Variants in KIFAP3 observed in about 807,000 individuals in gnomAD.
KIFAP3 encodes kinesin associated protein 3, also known as kinesin-associated protein 3.
In KIFAP3, 68 loss-of-function variants were observed where a neutral mutation model predicts 106.5. The ratio of observed to expected loss-of-function variants is 0.64; its 90% CI spans 0.53 to 0.78. The LOEUF is 0.78. Ranked by LOEUF, KIFAP3 falls within the 30% of genes least tolerant of loss-of-function variation. KIFAP3 has a pLI of 0.00. For missense variants in KIFAP3, 780 were observed against 941.8 expected, an observed-to-expected ratio of 0.83 and a Z score of 2.25; for synonymous variants, 320 against 311.5, an observed-to-expected ratio of 1.03 and a Z score of -0.29.
chr1:170,054,887 T>G (rs1482052467), intron 2 of KIFAP3, among the ~76,000 whole-genome samples: 2 of 152,172 alleles, frequency 1.3e-5, no homozygotes, highest in Non-Finnish European at 2.9e-5. Flanking sequence ...AATGAGGGGT[T>G]GATAGGTGCA....
intron 1 of KIFAP3, among the ~76,000 whole-genome samples, chr1:170,071,916 G>GC (rs1231353322): frequency 2.0e-5 from 3 of 152,168 alleles, no homozygotes; most frequent in African/African-American, 7.2e-5. Flanking sequence ...TGTGAGAAAT[G>GC]CTTGACACAA....
At chr1:169,983,417 T>C in intron 12 of KIFAP3, 35 bp from the exon 13 acceptor site, 2 of 1,396,190 alleles carry the variant, frequency 1.4e-6, no homozygotes, top group Non-Finnish European at 2.0e-6. Context: ...AAATTAAGGT[T>C]AGCTTAAGTT....
At chr1:169,987,373 G>C (rs1285128610) in intron 11 of KIFAP3, among the ~76,000 whole-genome samples, 2 of 151,970 alleles carry the variant, frequency 1.3e-5, no homozygotes, top group African/African-American at 4.8e-5. Flanking sequence ...AAATCACTGT[G>C]TCTAGACTCT....
At chr1:170,000,822 T>C (rs1196036566) in intron 10 of KIFAP3, among the ~76,000 whole-genome samples, 4 of 152,128 alleles carry the variant, frequency 2.6e-5, no homozygotes, top group Admixed American at 1.3e-4. Context: ...CAACAGTTGT[T>C]AACCAACAGT....
At chr1:169,955,699 TTTAA>T (rs1353469432) in intron 18 of KIFAP3, among the ~76,000 whole-genome samples, 10 of 152,302 alleles carry the variant, frequency 6.6e-5, no homozygotes, top group South Asian at 4.1e-4. Flanking sequence ...CATATTATTA[TTTAA>T]TTGTCAAATT....
chr1:169,984,960 T>TA (rs1666741750), intron 11 of KIFAP3, among the ~76,000 whole-genome samples: 4 of 151,796 alleles, frequency 2.6e-5, no homozygotes. Context: ...CATCTGTCCT[T>TA]AAATAATTAA....
At chr1:169,982,923 A>G in intron 13 of KIFAP3, 56 bp from the exon 14 acceptor site, 3 of 932,724 alleles carry the variant, frequency 3.2e-6, no homozygotes, top group South Asian at 3.1e-5. Context: ...TAATCTAATA[A>G]CCCACAGGAA....
Position 170,034,450 on chromosome 1 carries a change from G to C in KIFAP3, c.664C>G (p.Leu222Val), listed in dbSNP as rs1021162033. 8 of 1,573,678 alleles carry C rather than the reference G, an allele frequency of 5.1e-6. No individual in the cohort carries two copies. The highest frequency in any genetic ancestry group is 7.0e-6 in the Non-Finnish European group (8 of 1,148,648). ...TCATGATCAATAATATTCATACACAGAGCTCCAATTTTATAGTGAGTAATA... is the reference window on the plus strand; with the variant it reads ...TCATGATCAATAATATTCATACACACAGCTCCAATTTTATAGTGAGTAATA... Reference protein sequence around the residue: ...GLITHYKIGALCMNIIDHELK... With the variant: ...GLITHYKIGAVCMNIIDHELK... Residue 222 changes from leucine (L) to valine (V), a missense_variant, in exon 7 of 20, where the codon CTG becomes GTG. Leu to Val is a conservative substitution (Grantham distance 32). Coordinates refer to ENST00000361580, the MANE Select transcript of KIFAP3 (RefSeq NM_014970.4).
intron 5 of KIFAP3, among the ~76,000 whole-genome samples, chr1:170,035,762 T>C (rs1179101231): frequency 6.6e-6 from 1 of 152,098 alleles, no homozygotes; most frequent in Non-Finnish European, 1.5e-5. Context: ...TTCAAGTATA[T>C]ACTATACACA....
chr1:170,061,677 G>A (rs937266672), intron 1 of KIFAP3, among the ~76,000 whole-genome samples: 1 of 152,044 alleles, frequency 6.6e-6, no homozygotes, highest in African/African-American at 2.4e-5. Context: ...ATACACAAAG[G>A]ATTATAAATC....
intron 19 of KIFAP3, among the ~76,000 whole-genome samples, chr1:169,936,531 A>C (rs558500241): frequency 3.3e-5 from 5 of 151,862 alleles, no homozygotes; most frequent in African/African-American, 4.8e-5. Flanking sequence ...AGCATATATA[A>C]TTTAAAAAGT....
intron 1 of KIFAP3, among the ~76,000 whole-genome samples, chr1:170,059,495 A>C (rs1671021869): frequency 6.6e-6 from 1 of 152,126 alleles, no homozygotes; most frequent in Admixed American, 6.6e-5. Context: ...ACCAATAACC[A>C]ATAGGCTCTG....
chr1:169,972,525 TA>T lies in KIFAP3; in HGVS notation c.1970del (p.Leu657Ter). On this transcript the variant is annotated frameshift_variant, in exon 17 of 20. Coordinates refer to ENST00000361580, the MANE Select transcript of KIFAP3 (RefSeq NM_014970.4). LOFTEE classifies it high-confidence loss of function. ...AATAATTACTTACCGCTATAATATC[TA>T]ATGTATTATCACAGACCTTTCGGAT... ...NEIRKVCDNT[L>X]DIIAEYDEEW... is the part of the protein sequence containing the mutation. The T allele has an allele frequency of 1.4e-6, 2 of 1,432,862 alleles. No individual in the cohort carries two copies. The highest frequency in any genetic ancestry group is 9.8e-7 in the Non-Finnish European group (1 of 1,020,158). 88.8% of individuals were successfully genotyped at this position (1,432,862 alleles called of 1,614,324 possible). A position where few individuals can be genotyped will look rare whatever the true frequency, so the allele number is the denominator to read the frequency against.
intron 19 of KIFAP3, among the ~76,000 whole-genome samples, chr1:169,949,529 A>G (rs1171782726): frequency 1.3e-5 from 2 of 152,170 alleles, no homozygotes; most frequent in African/African-American, 4.8e-5. Flanking sequence ...TAAAAGCTGG[A>G]AGCAGTTTAA....
chr1:169,993,693 C>A, intron 10 of KIFAP3, among the ~76,000 whole-genome samples: 2 of 151,274 alleles, frequency 1.3e-5, no homozygotes, highest in Non-Finnish European at 1.5e-5. Flanking sequence ...TGAACGCCAG[C>A]CTGGCCAACA....
chr1:170,062,576 T>G (rs1298376033), intron 1 of KIFAP3, among the ~76,000 whole-genome samples: 3 of 152,210 alleles, frequency 2.0e-5, no homozygotes, highest in African/African-American at 7.2e-5. Context: ...TTTTTACATT[T>G]TTGTCTTTGA....
In KIFAP3 at chr1:169,928,699, C is replaced by CAAAAAAAAAAAAAA. The variant is rs10690029; in HGVS notation, c.2274-6932_2274-6919dup. The stretch of plus-strand genomic sequence containing the variant: ...AACAGAGTGAGTGAGACCCTGTCTC[C>CAAAAAAAAAAAAAA]AAAAAAAAAAAAAAAAAAAAAATTA... On this transcript the variant is annotated intron_variant, in intron 19 of 19. Transcript: ENST00000361580. 3.4e-4 allele frequency among the ~76,000 whole-genome samples: 13 copies of CAAAAAAAAAAAAAA among 37,776 alleles called. 3 individuals are homozygous for CAAAAAAAAAAAAAA. Among genetic ancestry groups the CAAAAAAAAAAAAAA allele is most frequent in the African/African-American group, 1.5e-3 (11 of 7,234 alleles). The allele number at this position is 37,776 out of a possible 152,430, so 24.8% of individuals were successfully genotyped here.
At chr1:170,050,059 A>C (rs1052368499) in intron 2 of KIFAP3, among the ~76,000 whole-genome samples, 2 of 152,144 alleles carry the variant, frequency 1.3e-5, no homozygotes, top group African/African-American at 2.4e-5. Context: ...TTAAAGGAGC[A>C]TGTTCTAACC....
intron 6 of KIFAP3, 77 bp downstream of exon 6, chr1:170,035,377 T>C: frequency 1.2e-6 from 1 of 831,228 alleles, no homozygotes. Context: ...ACAAGTGATC[T>C]ACAAATTGAA....
Sources: gnomAD v4.1 joint callset for allele counts (sites outside exome capture counted in the v4.1 genomes callset) on GRCh38, gnomAD v4.1.1 for gene constraint, MANE v1.5 for transcripts, NCBI Gene and HGNC (gene_info 2026-07-23, HGNC 2026-07-21) for gene names.